FUT8: variants seen among roughly 807,000 people sequenced by gnomAD.
The protein encoded by FUT8 is fucosyltransferase 8.
Under a neutral mutation model 71.3 loss-of-function variants are expected in FUT8, and 29 were observed. The ratio of observed to expected loss-of-function variants is 0.41; its 90% CI spans 0.30 to 0.55. The LOEUF (loss-of-function observed/expected upper bound fraction) is 0.55, where lower values mean the gene tolerates loss of function less well. Ranked by LOEUF, FUT8 falls within the 20% of genes least tolerant of loss-of-function variation. FUT8 has a pLI of 0.34. For synonymous variants in FUT8, 254 were observed against 239.3 expected, an observed-to-expected ratio of 1.06 and a Z score of -0.57; for missense variants, 544 against 702.1, an observed-to-expected ratio of 0.77 and a Z score of 2.55.
intron 7 of FUT8, among the ~76,000 whole-genome samples, chr14:65,686,329 C>G (rs1246983419): frequency 6.6e-6 from 1 of 152,164 alleles, no homozygotes; most frequent in Non-Finnish European, 1.5e-5. Context: ...TAACACAAAG[C>G]TTACTTATAC....
intron 7 of FUT8, among the ~76,000 whole-genome samples, chr14:65,678,304 T>A (rs12586842): frequency 6.6e-6 from 1 of 152,030 alleles, no homozygotes; most frequent in Admixed American, 6.5e-5. Flanking sequence ...TTTGGCTCCC[T>A]AGCTCCCCTA....
At chr14:65,723,219 GGAGGCT>G (rs1203795814) in intron 8 of FUT8, among the ~76,000 whole-genome samples, 1 of 151,922 alleles carries the variant, frequency 6.6e-6, no homozygotes, top group Non-Finnish European at 1.5e-5. Context: ...CAGCTGTTCG[GGAGGCT>G]GAGGTGAGAG....
chr14:65,546,210 C>T (rs1413160514), intron 2 of FUT8, among the ~76,000 whole-genome samples: 2 of 151,748 alleles, frequency 1.3e-5, no homozygotes, highest in African/African-American at 2.4e-5. Context: ...CAGTCATCTT[C>T]GTACTTGCTG....
At chr14:65,529,045 G>A (rs1481388402) in intron 2 of FUT8, 3 of 161,424 alleles carry the variant, frequency 1.9e-5, no homozygotes, top group Non-Finnish European at 4.4e-5. Flanking sequence ...TAATGTCTGA[G>A]GTATTTATTC....
Position 65,439,954 on chromosome 14 carries a change from GTATATATATATATATATATATATA to G in FUT8, c.-325-15653_-325-15630del, listed in dbSNP as rs60534547. Among the ~76,000 whole-genome samples, 271 of 74,984 alleles carry G rather than the reference GTATATATATATATATATATATATA, an allele frequency of 3.6e-3. 6 individuals carry two copies. The highest frequency in any genetic ancestry group is 0.013 in the African/African-American group (253 of 19,802). The allele number at this position is 74,984 out of a possible 152,430, so 49.2% of individuals were successfully genotyped here. ...ATAAAGAAAATGTGTGTGTGTGTGT[GTATATATATATATATATATATATA>G]TATATATATATATGTACACACACAC... is the stretch of plus-strand genomic sequence containing the variant. On this transcript the variant is annotated intron_variant, in intron 1 of 10. Transcript: ENST00000673929.
chr14:65,681,507 C>T (rs931945343), intron 7 of FUT8, among the ~76,000 whole-genome samples: 4 of 152,090 alleles, frequency 2.6e-5, no homozygotes, highest in African/African-American at 7.2e-5. Flanking sequence ...TAAAATTATC[C>T]TAATATTAAA....
At chr14:65,646,873 A>G (rs1891148383) in intron 6 of FUT8, among the ~76,000 whole-genome samples, 1 of 152,244 alleles carries the variant, frequency 6.6e-6, no homozygotes, top group Admixed American at 6.5e-5. Context: ...TCTGACCCTG[A>G]AAAATGAACA....
intron 10 of FUT8, among the ~76,000 whole-genome samples, chr14:65,734,981 A>G (rs1456400606): frequency 1.3e-5 from 2 of 152,174 alleles, no homozygotes; most frequent in Non-Finnish European, 2.9e-5. Flanking sequence ...GTCTCCAGAC[A>G]TTGCCAGATG....
intron 2 of FUT8, among the ~76,000 whole-genome samples, chr14:65,456,210 C>T (rs2065891848): frequency 1.3e-5 from 2 of 152,120 alleles, no homozygotes; most frequent in Admixed American, 1.3e-4. Flanking sequence ...CTAAACCTTC[C>T]AAATTTGCTC....
At chr14:65,401,532 A>G in the FUT8 span, among the ~76,000 whole-genome samples, 2 of 152,212 alleles carry the variant, frequency 1.3e-5, no homozygotes, top group African/African-American at 4.8e-5. Flanking sequence ...TTAAGATAGT[A>G]TCTATGCCGT....
chr14:65,386,628 T>C, the FUT8 span, among the ~76,000 whole-genome samples: 20,333 of 151,758 alleles, frequency 0.13, 2,028 homozygotes, highest in East Asian at 0.54. Context: ...ATAGTTATGA[T>C]TGCTGTTTCA....
chr14:65,675,971 T>G (rs950016111), intron 7 of FUT8, among the ~76,000 whole-genome samples: 3 of 152,130 alleles, frequency 2.0e-5, no homozygotes, highest in African/African-American at 7.2e-5. Context: ...CACTCCAGCC[T>G]GAGCGAGAGA....
At chr14:65,610,834 A>G (rs1888849535) in intron 3 of FUT8, among the ~76,000 whole-genome samples, 1 of 151,912 alleles carries the variant, frequency 6.6e-6, no homozygotes, top group South Asian at 2.1e-4. Flanking sequence ...TTTTAATGCT[A>G]AGCCAATCTT....
intron 2 of FUT8, among the ~76,000 whole-genome samples, chr14:65,466,705 G>A (rs935385660): frequency 3.3e-5 from 5 of 151,998 alleles, no homozygotes; most frequent in African/African-American, 1.2e-4. Context: ...AGCCAAGATC[G>A]CACTACTGCA....
chr14:65,616,563 A>G (rs1594821825), intron 5 of FUT8, among the ~76,000 whole-genome samples, 190 bp downstream of exon 5: 1 of 152,314 alleles, frequency 6.6e-6, no homozygotes. Flanking sequence ...AAAATATACC[A>G]CCAGAAAGTA....
chr14:65,620,675 CAG>C (rs976648056), intron 5 of FUT8, among the ~76,000 whole-genome samples: 1 of 151,996 alleles, frequency 6.6e-6, no homozygotes, highest in African/African-American at 2.4e-5. Flanking sequence ...TACACAAAAA[CAG>C]AGAGAGAGAC....
chr14:65,401,948 G>C, the FUT8 span, among the ~76,000 whole-genome samples: 2 of 148,648 alleles, frequency 1.3e-5, no homozygotes, highest in African/African-American at 5.0e-5. Context: ...AGAAGAGCAG[G>C]AAAAGGAATG....
the FUT8 span, among the ~76,000 whole-genome samples, chr14:65,381,939 T>C: frequency 9.1e-4 from 138 of 152,310 alleles, no homozygotes; most frequent in African/African-American, 3.2e-3. Context: ...GTCTACACTC[T>C]CTCCCTCCAG....
At chr14:65,728,144 G>A (rs1895781254) in intron 9 of FUT8, among the ~76,000 whole-genome samples, 1 of 152,190 alleles carries the variant, frequency 6.6e-6, no homozygotes, top group South Asian at 2.1e-4. Flanking sequence ...CTTCTTCTGA[G>A]CCCTCCAAAC....
Sources: allele counts gnomAD v4.1 joint callset (sites outside exome capture counted in the v4.1 genomes callset), GRCh38; gene constraint gnomAD v4.1.1; transcripts MANE v1.5; gene names NCBI Gene and HGNC (gene_info 2026-07-23, HGNC 2026-07-21).